The following KCNAB1 variants were observed in gnomAD, a reference collection of about 807,000 sequenced individuals.
KCNAB1 encodes potassium voltage-gated channel subfamily A regulatory beta subunit 1.
KCNAB1 carries 35 observed loss-of-function variants against 64.6 expected under a neutral mutation model. The ratio of observed to expected loss-of-function variants is 0.54; its 90% CI spans 0.41 to 0.72. The LOEUF (loss-of-function observed/expected upper bound fraction) is 0.72, where lower values mean the gene tolerates loss of function less well. Ranked by LOEUF, KCNAB1 falls within the 30% of genes least tolerant of loss-of-function variation. KCNAB1 has a pLI of 0.00. For missense variants in KCNAB1, 401 were observed against 512.9 expected, an observed-to-expected ratio of 0.78 and a Z score of 2.11; for synonymous variants, 177 against 183.8, an observed-to-expected ratio of 0.96 and a Z score of 0.30.
intron 1 of KCNAB1, among the ~76,000 whole-genome samples, chr3:156,231,332 A>G (rs537760401): frequency 1.3e-5 from 2 of 152,256 alleles, no homozygotes; most frequent in South Asian, 4.1e-4. Context: ...ATCATGACTT[A>G]CTTTCCAATC....
chr3:156,251,387 G>C (rs552625784), intron 1 of KCNAB1, among the ~76,000 whole-genome samples: 2 of 152,300 alleles, frequency 1.3e-5, no homozygotes, highest in South Asian at 2.1e-4. Flanking sequence ...AGGGTAGGGT[G>C]AAAGGATAAT....
rs112946273 is a variant in KCNAB1 at position 156,451,999 on chromosome 3, G to A, written c.320-900G>A. On this transcript the variant is annotated intron_variant, in intron 2 of 13. Coordinates refer to ENST00000490337, the MANE Select transcript of KCNAB1 (RefSeq NM_172160.3). The stretch of plus-strand genomic sequence containing the variant: ...CATTTGTCAAATGGTCTTATAAACC[G>A]TGAGCTCCTGCGAGACAGGAACTGG... Among the ~76,000 whole-genome samples the A allele has an allele frequency of 3.3e-3, 508 of 152,210 alleles. 5 individuals carry two copies. Among genetic ancestry groups the A allele is most frequent in the African/African-American group, 0.011 (468 of 41,518 alleles).
At chr3:156,353,773 C>G (rs1009929558) in intron 1 of KCNAB1, among the ~76,000 whole-genome samples, 1 of 152,194 alleles carries the variant, frequency 6.6e-6, no homozygotes, top group Non-Finnish European at 1.5e-5. Context: ...GGTGAGCAAG[C>G]CAGAGAGGGC....
At chr3:156,272,877 G>T (rs1011384677) in intron 1 of KCNAB1, among the ~76,000 whole-genome samples, 1 of 152,054 alleles carries the variant, frequency 6.6e-6, no homozygotes, top group Non-Finnish European at 1.5e-5. Context: ...ATACTACCTG[G>T]TTACTGCTGC....
At chr3:156,422,083 C>T (rs906294143) in intron 2 of KCNAB1, among the ~76,000 whole-genome samples, 1 of 152,098 alleles carries the variant, frequency 6.6e-6, no homozygotes, top group Non-Finnish European at 1.5e-5. Flanking sequence ...ATTTTATATA[C>T]TTTTATAATC....
intron 1 of KCNAB1, among the ~76,000 whole-genome samples, chr3:156,128,046 A>C (rs1441950020): frequency 1.3e-5 from 2 of 152,202 alleles, no homozygotes; most frequent in Non-Finnish European, 2.9e-5. Context: ...TAGATAGAGC[A>C]TCAGCTCTGG....
intron 1 of KCNAB1, among the ~76,000 whole-genome samples, chr3:156,197,671 A>T (rs1033958824): frequency 2.6e-5 from 4 of 151,822 alleles, no homozygotes; most frequent in African/African-American, 9.7e-5. Context: ...TATTGTGTTT[A>T]TTTGATTCTT....
At chr3:156,409,323 T>C (rs1278106424) in intron 1 of KCNAB1, among the ~76,000 whole-genome samples, 9 of 152,228 alleles carry the variant, frequency 5.9e-5, no homozygotes, top group African/African-American at 2.2e-4. Context: ...GATGGATTAA[T>C]TCACAAATGC....
chr3:156,119,684 C>A (rs1188432014), upstream of KCNAB1, among the ~76,000 whole-genome samples: 1 of 152,126 alleles, frequency 6.6e-6, no homozygotes, highest in East Asian at 1.9e-4. Flanking sequence ...GTGATAGACC[C>A]CTAGGTGGAC....
At chr3:156,275,132 G>T (rs1719264332) in intron 1 of KCNAB1, among the ~76,000 whole-genome samples, 1 of 152,082 alleles carries the variant, frequency 6.6e-6, no homozygotes, top group South Asian at 2.1e-4. Context: ...ATACTTTGAA[G>T]ATATTATGAA....
intron 8 of KCNAB1, among the ~76,000 whole-genome samples, chr3:156,491,635 C>T (rs1715636357): frequency 6.6e-6 from 1 of 152,010 alleles, no homozygotes; most frequent in Admixed American, 6.6e-5. Flanking sequence ...TTTTAAATAT[C>T]ATACTATATC....
At chr3:156,238,170 T>C (rs532131389) in intron 1 of KCNAB1, among the ~76,000 whole-genome samples, 15 of 152,216 alleles carry the variant, frequency 9.9e-5, no homozygotes, top group African/African-American at 3.6e-4. Flanking sequence ...ACGCCTGTAA[T>C]CCCAGCATTT....
intron 1 of KCNAB1, among the ~76,000 whole-genome samples, chr3:156,231,718 A>G (rs1716544468): frequency 6.6e-6 from 1 of 152,022 alleles, no homozygotes; most frequent in Admixed American, 6.6e-5. Flanking sequence ...CTTAACCAGA[A>G]CATTCCTTTC....
intron 1 of KCNAB1, among the ~76,000 whole-genome samples, chr3:156,275,097 A>G (rs944741732): frequency 6.6e-6 from 1 of 152,214 alleles, no homozygotes; most frequent in African/African-American, 2.4e-5. Context: ...GATTTCATGT[A>G]TAAGTGAGAT....
intron 1 of KCNAB1, among the ~76,000 whole-genome samples, chr3:156,387,014 C>CTCTTTTTTTTTTTTTTTTTTTTTTTTTT (rs60888308): frequency 5.5e-5 from 5 of 90,524 alleles, no homozygotes; most frequent in East Asian, 2.5e-4. Context: ...TTCTCTCTCT[C>CTCTTTTTTTTTTTTTTTTTTTTTTTTTT]TTTTTTTTTT....
At position 156,452,281 on chromosome 3, in the gene KCNAB1, T is replaced by C. The variant is rs1212635700; in HGVS notation, c.320-618T>C. On this transcript the variant is annotated intron_variant, in intron 2 of 13. Transcript: ENST00000490337. This position sits in a 1 kb window ranked among gnomAD's most constrained non-coding sequence, Gnocchi z 4.6. ...TCTTTGGCTGCTGAGTGTGCATCTC[T>C]CCCCTTGCCTTCCCAAACCTTACTC... Among the ~76,000 whole-genome samples, 1 of 152,166 alleles carries C rather than the reference T, an allele frequency of 6.6e-6. No homozygotes were observed. Among genetic ancestry groups the C allele is most frequent in the African/African-American group, 2.4e-5 (1 of 41,450 alleles).
intron 1 of KCNAB1, among the ~76,000 whole-genome samples, chr3:156,301,493 C>T (rs1667260802): frequency 1.3e-5 from 2 of 152,140 alleles, no homozygotes; most frequent in South Asian, 4.1e-4. Flanking sequence ...AGAAGGTTTT[C>T]ATCTTGATGA....
chr3:156,293,496 T>C (rs1412667579), intron 1 of KCNAB1, among the ~76,000 whole-genome samples: 6 of 152,228 alleles, frequency 3.9e-5, no homozygotes, highest in African/African-American at 1.4e-4. Context: ...TTGAAAAAAT[T>C]TCTTTGCAGA....
chr3:156,249,030 T>G (rs899650194), intron 1 of KCNAB1, among the ~76,000 whole-genome samples: 48 of 151,622 alleles, frequency 3.2e-4, no homozygotes, highest in Non-Finnish European at 4.7e-4. Flanking sequence ...CTGGTTGTGT[T>G]TTTTTTTTTA....
Sources: allele counts gnomAD v4.1 joint callset (sites outside exome capture counted in the v4.1 genomes callset), GRCh38; gene constraint gnomAD v4.1.1; non-coding constraint Gnocchi (gnomAD v3.1); transcripts MANE v1.5; gene names NCBI Gene and HGNC (gene_info 2026-07-23, HGNC 2026-07-21).